Variants in RPS6KA2 observed in about 807,000 individuals in gnomAD.
The protein encoded by RPS6KA2 is ribosomal protein S6 kinase alpha-2.
In RPS6KA2, 42 loss-of-function variants were observed where a neutral mutation model predicts 91.8. That is an observed-to-expected ratio of 0.46 (90% CI 0.36 to 0.59). The LOEUF (loss-of-function observed/expected upper bound fraction) is 0.59, where lower values mean the gene tolerates loss of function less well. RPS6KA2 is among the 20% of genes least tolerant of loss of function. The probability of loss-of-function intolerance (pLI) is 0.00; values close to 1 mark genes in which losing one functional copy is unlikely to be tolerated. For synonymous variants in RPS6KA2, 414 were observed against 393.6 expected, an observed-to-expected ratio of 1.05 and a Z score of -0.61; for missense variants, 798 against 978.5, an observed-to-expected ratio of 0.82 and a Z score of 2.46.
At chr6:166,692,144 C>T (rs1397032071) in intron 2 of RPS6KA2, among the ~76,000 whole-genome samples, 1 of 151,940 alleles carries the variant, frequency 6.6e-6, no homozygotes, top group African/African-American at 2.4e-5. Context: ...TCTCCACCTC[C>T]CACAAGTGTC....
chr6:166,578,379 A>G (rs1013182432), intron 1 of RPS6KA2, among the ~76,000 whole-genome samples: 1 of 152,168 alleles, frequency 6.6e-6, no homozygotes, highest in African/African-American at 2.4e-5. Context: ...AGAGGCCTCA[A>G]TGCTGGAGGT....
At chr6:166,438,317 C>A (rs1005268680) in intron 14 of RPS6KA2, among the ~76,000 whole-genome samples, 4 of 152,188 alleles carry the variant, frequency 2.6e-5, no homozygotes, top group Non-Finnish European at 4.4e-5. Flanking sequence ...TGAAGATGGG[C>A]ACAGAAACAC....
chr6:166,665,343 G>C lies in RPS6KA2; in HGVS notation c.124-126559C>G, dbSNP rs950385020. Among the ~76,000 whole-genome samples the C allele has an allele frequency of 2.0e-4, 31 of 152,192 alleles. No homozygotes were observed. Among genetic ancestry groups the C allele is most frequent in the Non-Finnish European group, 4.1e-4 (28 of 68,034 alleles). On this transcript the variant is annotated intron_variant, in intron 2 of 21. Transcript: ENST00000503859. This position sits in a 1 kb window ranked among gnomAD's most constrained non-coding sequence, Gnocchi z 4.5. Reference sequence around the variant, plus strand: ...AGAATACTAATGAAGGATGAACTGAGTCTCTCTGCAGCTGCCTCTGGGCTT... The same window carrying C: ...AGAATACTAATGAAGGATGAACTGACTCTCTCTGCAGCTGCCTCTGGGCTT...
intron 2 of RPS6KA2, among the ~76,000 whole-genome samples, chr6:166,643,555 A>G (rs555652198): frequency 6.6e-6 from 1 of 152,378 alleles, no homozygotes; most frequent in African/African-American, 2.4e-5. Flanking sequence ...TAGCTTCAAA[A>G]TGTATTAATC....
intron 2 of RPS6KA2, among the ~76,000 whole-genome samples, chr6:166,670,323 C>A (rs1030945179): frequency 6.6e-6 from 1 of 152,220 alleles, no homozygotes; most frequent in African/African-American, 2.4e-5. Flanking sequence ...GATTCCCCAA[C>A]GTCATCCTTC....
chr6:166,651,011 A>G (rs961680020), intron 2 of RPS6KA2, among the ~76,000 whole-genome samples: 1 of 152,214 alleles, frequency 6.6e-6, no homozygotes, highest in African/African-American at 2.4e-5. Context: ...CCTGACTACA[A>G]GGACCTGCCC....
chr6:166,803,552 C>T (rs1387436576), intron 2 of RPS6KA2, among the ~76,000 whole-genome samples: 2 of 152,206 alleles, frequency 1.3e-5, no homozygotes, highest in African/African-American at 4.8e-5. Context: ...TGTCAGGAGT[C>T]TAAACGGCAG....
intron 2 of RPS6KA2, among the ~76,000 whole-genome samples, chr6:166,777,779 A>C (rs1219088769): frequency 6.6e-6 from 1 of 152,228 alleles, no homozygotes; most frequent in Non-Finnish European, 1.5e-5. Flanking sequence ...AGTAATATTC[A>C]AAAGCAGTTT....
chr6:166,693,993 G>T (rs975682477), intron 2 of RPS6KA2, among the ~76,000 whole-genome samples: 6 of 152,182 alleles, frequency 3.9e-5, no homozygotes, highest in African/African-American at 1.2e-4. Context: ...TCTGTTAAAT[G>T]ACAAAATTGA....
intron 2 of RPS6KA2, among the ~76,000 whole-genome samples, chr6:166,532,844 A>AGAGAGTGT (rs573257516): frequency 4.0e-4 from 60 of 149,574 alleles, no homozygotes; most frequent in African/African-American, 1.5e-3. Context: ...AGAGAGAGAG[A>AGAGAGTGT]GTGTGTGTGT....
Position 166,486,954 on chromosome 6 carries a change from C to T in RPS6KA2, c.907+1879G>A, listed in dbSNP as rs115934407. Reference sequence around the variant, plus strand: ...GCCCAAAATGCAGACGGTGCAGAGCCGTGGCCGAGACACCGTCCTCCAGCC... The same window carrying T: ...GCCCAAAATGCAGACGGTGCAGAGCTGTGGCCGAGACACCGTCCTCCAGCC... On this transcript the variant is annotated intron_variant, in intron 10 of 20. Transcript: ENST00000265678. Among the ~76,000 whole-genome samples the T allele has an allele frequency of 6.5e-3, 996 of 152,314 alleles. 14 individuals are homozygous for T. The highest frequency in any genetic ancestry group is 0.023 in the African/African-American group (945 of 41,554).
chr6:166,547,390 G>A (rs1268695753), intron 1 of RPS6KA2, among the ~76,000 whole-genome samples: 1 of 152,230 alleles, frequency 6.6e-6, no homozygotes, highest in African/African-American at 2.4e-5. Flanking sequence ...GATGGGGAAA[G>A]TCTCATCCCC....
chr6:166,677,406 G>C (rs1001726343), intron 2 of RPS6KA2, among the ~76,000 whole-genome samples: 15 of 149,750 alleles, frequency 1.0e-4, no homozygotes, highest in African/African-American at 3.4e-4. Flanking sequence ...TTGTCACCCA[G>C]GCTGAAGTGT....
intron 2 of RPS6KA2, among the ~76,000 whole-genome samples, chr6:166,772,011 G>T (rs1778485479): frequency 6.7e-6 from 1 of 149,710 alleles, no homozygotes. Flanking sequence ...GAGAATCATA[G>T]CTCTGTTTGT....
intron 11 of RPS6KA2, among the ~76,000 whole-genome samples, chr6:166,467,497 G>A (rs1239147167): frequency 9.2e-5 from 14 of 152,240 alleles, no homozygotes; most frequent in Non-Finnish European, 1.9e-4. Flanking sequence ...CAGTTTGGAA[G>A]AGCCGCAGGA....
intron 2 of RPS6KA2, among the ~76,000 whole-genome samples, chr6:166,797,129 G>C (rs1026573754): frequency 2.0e-5 from 3 of 152,126 alleles, no homozygotes; most frequent in Non-Finnish European, 4.4e-5. Context: ...GAAAAACTCC[G>C]TTTCTCCAAT....
At chr6:166,624,259 A>G (rs1484654083) in intron 1 of RPS6KA2, among the ~76,000 whole-genome samples, 1 of 152,254 alleles carries the variant, frequency 6.6e-6, no homozygotes, top group Non-Finnish European at 1.5e-5. Flanking sequence ...AAGTCTTTGT[A>G]TATTTCAAAA....
chr6:166,587,329 C>T (rs909633975), intron 1 of RPS6KA2, among the ~76,000 whole-genome samples: 8 of 152,162 alleles, frequency 5.3e-5, no homozygotes, highest in African/African-American at 1.9e-4. Flanking sequence ...TTCGTATCTG[C>T]TTTTCATAAG....
intron 14 of RPS6KA2, chr6:166,440,401 G>A (rs34657605): frequency 0.43 from 64,783 of 152,112 alleles, 16,287 homozygotes; most frequent in Non-Finnish European, 0.57. Flanking sequence ...TTCTCGTTTC[G>A]AAAAAGCAAA....
Sources: allele counts gnomAD v4.1 joint callset (sites outside exome capture counted in the v4.1 genomes callset), GRCh38; gene constraint gnomAD v4.1.1; non-coding constraint Gnocchi (gnomAD v3.1); transcripts MANE v1.5; gene names NCBI Gene and HGNC (gene_info 2026-07-23, HGNC 2026-07-21).